The following COL13A1 variants were observed in gnomAD, a reference collection of about 807,000 sequenced individuals.
COL13A1 encodes the protein collagen alpha-1(XIII) chain.
COL13A1 carries 89 observed loss-of-function variants against 130.9 expected under a neutral mutation model. The ratio of observed to expected loss-of-function variants is 0.68; its 90% CI spans 0.57 to 0.81. The LOEUF (loss-of-function observed/expected upper bound fraction) is 0.81. COL13A1 is among the 30% of genes least tolerant of loss of function. The probability of loss-of-function intolerance (pLI) is 0.00; values close to 1 mark genes in which losing one functional copy is unlikely to be tolerated. For missense variants in COL13A1, 879 were observed against 934.6 expected, an observed-to-expected ratio of 0.94 and a Z score of 0.78; for synonymous variants, 402 against 341.6, an observed-to-expected ratio of 1.18 and a Z score of -1.95.
At chr10:69,822,313 C>T (rs1846292518) in intron 1 of COL13A1, 56 bp from the exon 2 acceptor site, 4 of 1,407,838 alleles carry the variant, frequency 2.8e-6, no homozygotes. Context: ...AGCTGCTTTC[C>T]AGGGCTTGGT....
chr10:69,943,698 CT>C (rs377725467), intron 35 of COL13A1, among the ~76,000 whole-genome samples: 69 of 152,260 alleles, frequency 4.5e-4, no homozygotes, highest in African/African-American at 1.6e-3. Context: ...TCGTCTGCCC[CT>C]GTGTGTGCAT....
chr10:69,813,691 T>A (rs1843668029), intron 1 of COL13A1, among the ~76,000 whole-genome samples: 1 of 152,172 alleles, frequency 6.6e-6, no homozygotes, highest in Non-Finnish European at 1.5e-5. Context: ...AGTCCAGTTC[T>A]GGTGGGTGTG....
Position 69,917,191 on chromosome 10 carries a change from A to G in COL13A1, c.922-98A>G, listed in dbSNP as rs1297003979. 6.0e-6 allele frequency: 9 copies of G among 1,490,266 alleles called. No individual in the cohort carries two copies. The Middle Eastern group carries it at 8.6e-4, about 142-fold the overall frequency. The allele number at this position is 1,490,266 out of a possible 1,614,324, so 92.3% of individuals were successfully genotyped here. A position where few individuals can be genotyped will look rare whatever the true frequency, so the allele number is the denominator to read the frequency against. ...AGAGCTCAACATGAACCGGACAGCC[A>G]TCCCAGCCTCCAGACAAGACATTCT... On this transcript the variant is annotated intron_variant, in intron 17 of 40. Coordinates refer to ENST00000645393, the MANE Select transcript of COL13A1 (RefSeq NM_001368882.1).
At position 69,937,130 on chromosome 10, in the gene COL13A1, A is replaced by G. The variant is rs190429217; in HGVS notation, c.1797+348A>G. ...TAGGGTGGGACCCCTCCCTGGGTCA[A>G]GCTTGGGGGGACTCTGCACTGGGCT... On this transcript the variant is annotated intron_variant, in intron 33 of 40. Transcript: ENST00000645393. Among the ~76,000 whole-genome samples the G allele has an allele frequency of 1.8e-4, 28 of 152,286 alleles. No individual in the cohort carries two copies. The East Asian group carries it at 4.6e-3, about 25-fold the overall frequency.
Position 69,802,340 on chromosome 10 carries a change from G to T in COL13A1, c.-84G>T. On this transcript the variant is annotated 5_prime_UTR_variant, in exon 1 of 41. Transcript: ENST00000645393. Reference sequence around the variant, plus strand: ...GATACAAGCCCTTTCCCCCTGCCCCGCAGTTTGGATAGAGCCTTTTGGCAG... The same window carrying T: ...GATACAAGCCCTTTCCCCCTGCCCCTCAGTTTGGATAGAGCCTTTTGGCAG... 7.5e-7 allele frequency: 1 copy of T among 1,340,742 alleles called. No homozygotes were observed. The highest frequency in any genetic ancestry group is 2.7e-4 in the Middle Eastern group (1 of 3,722). 83.1% of individuals were successfully genotyped at this position (1,340,742 alleles called of 1,614,324 possible).
At chr10:69,918,947 G>GA in intron 19 of COL13A1, 115 bp from the exon 20 acceptor site, 1 of 1,221,700 alleles carries the variant, frequency 8.2e-7, no homozygotes, top group South Asian at 1.3e-5. Context: ...GGGCTGGCCA[G>GA]ATGTTTCACT....
At chr10:69,913,937 C>T (rs748687722) in intron 17 of COL13A1, among the ~76,000 whole-genome samples, 2 of 151,986 alleles carry the variant, frequency 1.3e-5, no homozygotes, top group Non-Finnish European at 2.9e-5. Flanking sequence ...GAGAATTGAC[C>T]CAGAGAGGAG....
At chr10:69,869,527 A>T (rs1285400967) in intron 3 of COL13A1, among the ~76,000 whole-genome samples, 1 of 152,216 alleles carries the variant, frequency 6.6e-6, no homozygotes, top group African/African-American at 2.4e-5. Flanking sequence ...TCCAACAGGA[A>T]GACCCAGATT....
chr10:69,947,265 G>C (rs775583415), intron 37 of COL13A1, 42 bp from the exon 38 acceptor site: 1 of 1,597,364 alleles, frequency 6.3e-7, no homozygotes. Context: ...GCTGGCCTGT[G>C]TGTCCTCATT....
At chr10:69,849,557 C>G (rs12357925) in intron 2 of COL13A1, among the ~76,000 whole-genome samples, 29,093 of 152,104 alleles carry the variant, frequency 0.19, 2,949 homozygotes, top group Middle Eastern at 0.37. Flanking sequence ...TTCACATCTC[C>G]TTTTTATCTT....
chr10:69,914,021 C>G (rs1281453412), intron 17 of COL13A1, among the ~76,000 whole-genome samples: 2 of 152,198 alleles, frequency 1.3e-5, no homozygotes, highest in Non-Finnish European at 2.9e-5. Flanking sequence ...CTGATTTCCC[C>G]TGAGTACCTG....
intron 2 of COL13A1, among the ~76,000 whole-genome samples, chr10:69,858,115 CA>C (rs573668102): frequency 4.4e-4 from 35 of 80,368 alleles, no homozygotes; most frequent in African/African-American, 1.6e-3. Context: ...GACTCCGTCT[CA>C]AAAAAAAAAA....
chr10:69,895,755 T>G (rs1313503955), intron 13 of COL13A1, among the ~76,000 whole-genome samples, 179 bp downstream of exon 13: 4 of 152,124 alleles, frequency 2.6e-5, no homozygotes, highest in African/African-American at 9.7e-5. Flanking sequence ...GTGCGTCTGG[T>G]GGGAACAGCT....
chr10:69,840,555 C>G (rs1236451938), intron 2 of COL13A1, among the ~76,000 whole-genome samples: 2 of 152,168 alleles, frequency 1.3e-5, no homozygotes, highest in African/African-American at 4.8e-5. Context: ...TCCTTGCTCA[C>G]TAAATCCTGA....
intron 5 of COL13A1, chr10:69,877,672 CTG>C (rs1202872953): frequency 6.9e-5 from 12 of 172,952 alleles, no homozygotes; most frequent in South Asian, 3.5e-4. Flanking sequence ...CTCTCTCTCT[CTG>C]TCTCTCTCTC....
intron 38 of COL13A1, among the ~76,000 whole-genome samples, chr10:69,947,794 A>G (rs1589718126): frequency 6.6e-6 from 1 of 152,188 alleles, no homozygotes; most frequent in Non-Finnish European, 1.5e-5. Context: ...GAAGCAGCCA[A>G]CCCTTTTAAA....
intron 2 of COL13A1, among the ~76,000 whole-genome samples, chr10:69,827,110 G>A (rs143555470): frequency 3.2e-4 from 49 of 152,340 alleles, no homozygotes; most frequent in Non-Finnish European, 5.0e-4. Flanking sequence ...ACTGCACAGA[G>A]GACATTCCAG....
chr10:69,805,182 A>G (rs1841209788), intron 1 of COL13A1, among the ~76,000 whole-genome samples: 1 of 152,202 alleles, frequency 6.6e-6, no homozygotes, highest in South Asian at 2.1e-4. Flanking sequence ...GATCTAAATA[A>G]GAGTAATGGG....
chr10:69,827,298 G>A, intron 2 of COL13A1, among the ~76,000 whole-genome samples: 1 of 152,228 alleles, frequency 6.6e-6, no homozygotes, highest in East Asian at 1.9e-4. Context: ...CCTCTGTCCA[G>A]TAGGAGGCAA....
Sources: allele counts gnomAD v4.1 joint callset (sites outside exome capture counted in the v4.1 genomes callset), GRCh38; gene constraint gnomAD v4.1.1; transcripts MANE v1.5; gene names NCBI Gene and HGNC (gene_info 2026-07-23, HGNC 2026-07-21).